GLRB: variants seen among roughly 807,000 people sequenced by gnomAD.
The protein encoded by GLRB is glycine receptor subunit beta.
A neutral mutation model predicts 54.2 loss-of-function variants in GLRB; 33 were observed. That is an observed-to-expected ratio of 0.61 (90% CI 0.46 to 0.81). The LOEUF is 0.81. Among genes scored for constraint, GLRB ranks in the 40% least tolerant of loss-of-function variants. GLRB has a pLI of 0.00. For missense variants in GLRB, 572 were observed against 584.6 expected (o/e 0.98, Z 0.22); for synonymous variants, 209 against 208.2 (o/e 1.00, Z -0.03).
rs767042497 is a variant in GLRB, at chr4:157,170,524, T to C, written c.1290T>C (p.Phe430=). ...TTGTTGGAAGCTTACCAAGAGATTT[T>C]GAACTATCCAATTATGACTGCTATG... ...FSIVGSLPRD[F]ELSNYDCYGK... Residue 430 remains phenylalanine (F), a synonymous_variant, in exon 10 of 10, where the codon TTT becomes TTC. Transcript: ENST00000264428. The C allele has an allele frequency of 1.6e-5, 25 of 1,611,468 alleles. No individual in the cohort carries two copies. The African/African-American group carries it at 3.3e-4, about 22-fold the overall frequency.
At chr4:157,143,656 A>G in intron 7 of GLRB, 151 bp from the exon 8 acceptor site, 1 of 711,166 alleles carries the variant, frequency 1.4e-6, no homozygotes, top group Non-Finnish European at 2.4e-6. Flanking sequence ...CACATAAATT[A>G]TATATCTGCA....
chr4:157,166,961 G>C (rs991270077), intron 9 of GLRB, among the ~76,000 whole-genome samples: 2 of 151,894 alleles, frequency 1.3e-5, no homozygotes, highest in Admixed American at 1.3e-4. Flanking sequence ...TTGTGGCCTA[G>C]GTTATAATAT....
At chr4:157,095,310 A>G (rs895227665) in intron 2 of GLRB, among the ~76,000 whole-genome samples, 6 of 151,942 alleles carry the variant, frequency 3.9e-5, no homozygotes, top group Admixed American at 2.6e-4. Context: ...CTGAGCAAAA[A>G]AAAAAAAAAA....
intron 1 of GLRB, among the ~76,000 whole-genome samples, chr4:157,077,287 CTTG>C (rs1157262371): frequency 1.3e-5 from 2 of 151,958 alleles, no homozygotes; most frequent in African/African-American, 4.8e-5. Flanking sequence ...TGTTTTATTT[CTTG>C]TTGTAGAATT....
chr4:157,085,100 T>C (rs368916573), intron 2 of GLRB, among the ~76,000 whole-genome samples: 1 of 152,238 alleles, frequency 6.6e-6, no homozygotes, highest in East Asian at 1.9e-4. Context: ...TGAATTGATC[T>C]TCTTTTTCCA....
intron 9 of GLRB, 99 bp downstream of exon 9, chr4:157,153,109 G>A: frequency 9.4e-7 from 1 of 1,062,952 alleles, no homozygotes; most frequent in Non-Finnish European, 1.4e-6. Flanking sequence ...GATGGAATTG[G>A]CATTTGCTTG....
intron 8 of GLRB, among the ~76,000 whole-genome samples, chr4:157,144,364 T>C (rs1463441481): frequency 6.6e-6 from 1 of 152,180 alleles, no homozygotes; most frequent in East Asian, 1.9e-4. Flanking sequence ...ATTTACTTTT[T>C]AAAAATTACG....
intron 2 of GLRB, among the ~76,000 whole-genome samples, chr4:157,107,373 G>C (rs1293396163): frequency 6.6e-6 from 1 of 152,082 alleles, no homozygotes; most frequent in Non-Finnish European, 1.5e-5. Flanking sequence ...AGGTCTCTTT[G>C]TCAAACGGCC....
rs924484849 is a variant in GLRB, at chr4:157,152,722, C to T, written c.909C>T (p.Ile303=). Residue 303 remains isoleucine, a synonymous_variant, in exon 9 of 10, where the codon ATC becomes ATT. Coordinates refer to ENST00000264428, the MANE Select transcript of GLRB (RefSeq NM_000824.5). ...DASAARVPLG[I]FSVLSLASEC... ...TTCCTCTTTCTGTTTCTGTAGGTATCTTCTCAGTCCTCAGCTTGGCCTCTG... is the reference window on the plus strand; with the variant it reads ...TTCCTCTTTCTGTTTCTGTAGGTATTTTCTCAGTCCTCAGCTTGGCCTCTG... 4 of 1,613,022 alleles carry T rather than the reference C, an allele frequency of 2.5e-6. No homozygotes were observed. In the Admixed American group the frequency reaches 5.0e-5, roughly 20 times the overall value.
At chr4:157,126,323 C>A (rs930968058) in intron 4 of GLRB, among the ~76,000 whole-genome samples, 2 of 151,784 alleles carry the variant, frequency 1.3e-5, no homozygotes, top group Admixed American at 6.6e-5. Flanking sequence ...AAAATTACAG[C>A]CTTATTAATA....
chr4:157,165,497 T>A (rs1300869846), intron 9 of GLRB, among the ~76,000 whole-genome samples: 1 of 151,966 alleles, frequency 6.6e-6, no homozygotes, highest in East Asian at 1.9e-4. Flanking sequence ...AATAATATTG[T>A]GCTTCCTAAG....
At position 157,165,945 on chromosome 4, in the gene GLRB, C is replaced by T. The variant is rs74629828; in HGVS notation, c.1198-4487C>T. On this transcript the variant is annotated intron_variant, in intron 9 of 9. Transcript: ENST00000264428. ...TTAGCAAAATATATACAAATTATTC[C>T]CTCTGAACATATTTTATTGTCTGTA... is the stretch of plus-strand genomic sequence containing the variant. 9.7e-3 allele frequency among the ~76,000 whole-genome samples: 1,478 copies of T among 151,872 alleles called. 14 individuals are homozygous for T. The highest frequency in any genetic ancestry group is 0.017 in the Non-Finnish European group (1,122 of 67,828).
At chr4:157,119,087 C>T (rs757194920) in intron 2 of GLRB, among the ~76,000 whole-genome samples, 4 of 151,722 alleles carry the variant, frequency 2.6e-5, no homozygotes, top group Non-Finnish European at 4.4e-5. Flanking sequence ...AATTTTGTCA[C>T]TTATCATTAT....
intron 8 of GLRB, among the ~76,000 whole-genome samples, chr4:157,145,761 G>A (rs1036144285): frequency 6.6e-6 from 1 of 152,068 alleles, no homozygotes; most frequent in African/African-American, 2.4e-5. Flanking sequence ...TTGTTAGAAA[G>A]GCCACAGTGA....
intron 4 of GLRB, among the ~76,000 whole-genome samples, chr4:157,125,027 A>C (rs1735966375): frequency 6.6e-6 from 1 of 151,926 alleles, no homozygotes; most frequent in African/African-American, 2.4e-5. Flanking sequence ...AGGAAAGCAT[A>C]AGTCATTATA....
chr4:157,076,754 A>C (rs1353932612), intron 1 of GLRB, among the ~76,000 whole-genome samples: 1 of 151,250 alleles, frequency 6.6e-6, no homozygotes, highest in African/African-American at 2.4e-5. Context: ...AAAGTGGGAG[A>C]AGTACCTGCT....
intron 3 of GLRB, among the ~76,000 whole-genome samples, chr4:157,121,812 T>A (rs964406593): frequency 6.6e-6 from 1 of 151,724 alleles, no homozygotes; most frequent in African/African-American, 2.4e-5. Flanking sequence ...GGCAAAAATC[T>A]TTATAATGAC....
At chr4:157,158,230 A>C (rs1051136213) in intron 9 of GLRB, among the ~76,000 whole-genome samples, 1 of 152,032 alleles carries the variant, frequency 6.6e-6, no homozygotes, top group Non-Finnish European at 1.5e-5. Context: ...CCCGGATATT[A>C]GCCCTTTGTC....
Position 157,143,742 on chromosome 4 carries a change from T to C in GLRB, c.752-65T>C, listed in dbSNP as rs1233934342. The C allele has an allele frequency of 2.7e-6, 4 of 1,485,470 alleles. No homozygotes were observed. The African/African-American group carries it at 5.5e-5, about 21-fold the overall frequency. 92.0% of individuals were successfully genotyped at this position (1,485,470 alleles called of 1,614,324 possible). A position where few individuals can be genotyped will look rare whatever the true frequency, so the allele number is the denominator to read the frequency against. Reference sequence around the variant, plus strand: ...AAGTGACTTACCGTTTCCAGGTCTGTCATTGATGTTTGCCATTCTGTGTGG... The same window carrying C: ...AAGTGACTTACCGTTTCCAGGTCTGCCATTGATGTTTGCCATTCTGTGTGG... On this transcript the variant is annotated intron_variant, in intron 7 of 9. Transcript: ENST00000264428.
Sources: gnomAD v4.1 joint callset for allele counts (sites outside exome capture counted in the v4.1 genomes callset) on GRCh38, gnomAD v4.1.1 for gene constraint, MANE v1.5 for transcripts, NCBI Gene and HGNC (gene_info 2026-07-23, HGNC 2026-07-21) for gene names.